MFGE8: variants seen among roughly 807,000 people sequenced by gnomAD.
The protein encoded by MFGE8 is lactadherin.
Under a neutral mutation model 42.6 loss-of-function variants are expected in MFGE8, and 34 were observed. The observed-to-expected ratio is 0.80, with a 90% CI of 0.61 to 1.06. MFGE8 has a LOEUF of 1.06. MFGE8 is among the 50% of genes least tolerant of loss of function. MFGE8 has a pLI of 0.00. For missense variants in MFGE8, 510 were observed against 516.9 expected (o/e 0.99, Z 0.13); for synonymous variants, 230 against 214.8 (o/e 1.07, Z -0.62).
chr15:88,904,113 C>G (rs1263651247), intron 5 of MFGE8: 1 of 152,274 alleles, frequency 6.6e-6, no homozygotes, highest in Non-Finnish European at 1.5e-5. Context: ...TTCTTCAGAG[C>G]TGTTACTGCT....
chr15:88,905,618 C>G lies in MFGE8; in HGVS notation c.685+139G>C. The G allele has an allele frequency of 5.1e-6, 6 of 1,175,940 alleles. No homozygotes were observed. Among genetic ancestry groups the G allele is most frequent in the Non-Finnish European group, 7.4e-6 (6 of 810,438 alleles). The allele number at this position is 1,175,940 out of a possible 1,614,324, so 72.8% of individuals were successfully genotyped here. A position where few individuals can be genotyped will look rare whatever the true frequency, so the allele number is the denominator to read the frequency against. ...TATGGCCAGGTGACCCCCTAGAGTGCGTTGCCCGAGTGAAGCCTGGTCCCC... is the reference window on the plus strand; with the variant it reads ...TATGGCCAGGTGACCCCCTAGAGTGGGTTGCCCGAGTGAAGCCTGGTCCCC... On this transcript the variant is annotated intron_variant, in intron 5 of 7. Transcript: ENST00000268150. The surrounding 1 kb of genome is among the most constrained non-coding windows in gnomAD (Gnocchi z 6.6).
intron 2 of MFGE8, among the ~76,000 whole-genome samples, chr15:88,909,027 C>A (rs78990864): frequency 4.6e-5 from 7 of 152,316 alleles, no homozygotes; most frequent in African/African-American, 1.7e-4. Flanking sequence ...AACCTAGGAC[C>A]CCCCGCTCCA....
Position 88,906,765 on chromosome 15 carries a change from C to A in MFGE8, c.401G>T (p.Arg134Leu). ...CACCACACCTGTTACCCACATCCTC[C>A]GCAGCAGGTTCACCTGGACACAGGG... The part of the protein sequence containing the change: ...DNPWIQVNLL[R>L]RMWVTGVVTQ... The change falls in exon 4 of 8, where the codon CGG becomes CTG. Residue 134 changes from arginine (R) to leucine (L), a missense_variant. Physicochemically the swap from Arg to Leu is moderately radical, Grantham distance 102. Transcript: ENST00000268150. The surrounding 1 kb of genome is among the most constrained non-coding windows in gnomAD (Gnocchi z 4.2). 7 of 1,613,002 alleles carry A rather than the reference C, an allele frequency of 4.3e-6. No individual in the cohort carries two copies. Among genetic ancestry groups the A allele is most frequent in the Non-Finnish European group, 5.9e-6 (7 of 1,179,854 alleles).
Position 88,902,264 on chromosome 15 carries a change from T to G in MFGE8, c.686-529A>C. The G allele has an allele frequency of 6.3e-6, 1 of 157,496 alleles. No homozygotes were observed. The highest frequency in any genetic ancestry group is 1.4e-5 in the Non-Finnish European group (1 of 71,366). 9.8% of individuals were successfully genotyped at this position (157,496 alleles called of 1,614,324 possible). Reference sequence around the variant, plus strand: ...CAAAAAAAAAAAGAAAAAAAAACACTAAATGAAGTAGAAATTAGTAAGCCC... The same window carrying G: ...CAAAAAAAAAAAGAAAAAAAAACACGAAATGAAGTAGAAATTAGTAAGCCC... On this transcript the variant is annotated intron_variant, in intron 5 of 7. Transcript: ENST00000268150. The surrounding 1 kb of genome is among the most constrained non-coding windows in gnomAD (Gnocchi z 4.3).
At chr15:88,909,715 C>T in intron 2 of MFGE8, 77 bp downstream of exon 2, 2 of 1,601,544 alleles carry the variant, frequency 1.2e-6, no homozygotes, top group African/African-American at 1.3e-5. Context: ...ATAAGGCCAG[C>T]ATATGGCCTA....
rs1898631074 is a variant in MFGE8 at position 88,905,575 on chromosome 15, A to T, written c.685+182T>A. 1 of 780,284 alleles carries T rather than the reference A, an allele frequency of 1.3e-6. No individual in the cohort carries two copies. Among genetic ancestry groups the T allele is most frequent in the Non-Finnish European group, 2.2e-6 (1 of 456,448 alleles). The allele number at this position is 780,284 out of a possible 1,614,324, so 48.3% of individuals were successfully genotyped here. A position where few individuals can be genotyped will look rare whatever the true frequency, so the allele number is the denominator to read the frequency against. ...TGGGTCATGGGTTGGCAGACAGCAA[A>T]CACCTGGGTGGGGCTGCTATGGCCA... On this transcript the variant is annotated intron_variant, in intron 5 of 7. Transcript: ENST00000268150. The surrounding 1 kb of genome is among the most constrained non-coding windows in gnomAD (Gnocchi z 6.6).
intron 3 of MFGE8, 124 bp downstream of exon 3, chr15:88,907,071 T>C: frequency 7.9e-7 from 1 of 1,259,026 alleles, no homozygotes; most frequent in Non-Finnish European, 1.1e-6. Context: ...ACTTCATCCA[T>C]GGGAACCTGT....
rs1206594460 is a variant in MFGE8 at position 88,902,140 on chromosome 15, C to T, written c.686-405G>A. ...TCTGGACTCACAGCACTGCCCCCATCGCCTCGGCCTCCCATCCGTCCCATG... is the reference window on the plus strand; with the variant it reads ...TCTGGACTCACAGCACTGCCCCCATTGCCTCGGCCTCCCATCCGTCCCATG... On this transcript the variant is annotated intron_variant, in intron 5 of 7. Transcript: ENST00000268150. This position sits in a 1 kb window ranked among gnomAD's most constrained non-coding sequence, Gnocchi z 4.3. The T allele has an allele frequency of 1.6e-5, 4 of 248,276 alleles. No homozygotes were observed. Among genetic ancestry groups the T allele is most frequent in the South Asian group, 5.7e-5 (1 of 17,428 alleles). 15.4% of individuals were successfully genotyped at this position (248,276 alleles called of 1,614,324 possible).
rs993288634 is a variant in MFGE8 at position 88,906,919 on chromosome 15, C to A, written c.388-141G>T. 1 of 1,113,034 alleles carries A rather than the reference C, an allele frequency of 9.0e-7. No homozygotes were observed. The highest frequency in any genetic ancestry group is 1.3e-6 in the Non-Finnish European group (1 of 757,444). 68.9% of individuals were successfully genotyped at this position (1,113,034 alleles called of 1,614,324 possible). ...AGAGGAGGGGTAGCTGAGCACACTG[C>A]CCGCACAAAGGGCTTTCTTCTTCTG... On this transcript the variant is annotated intron_variant, in intron 3 of 7. Transcript: ENST00000268150. This position sits in a 1 kb window ranked among gnomAD's most constrained non-coding sequence, Gnocchi z 4.2.
rs1898223789 is a variant in MFGE8, at chr15:88,898,710, G to C, written c.*685C>G. 1 of 153,144 alleles carries C rather than the reference G, an allele frequency of 6.5e-6. No homozygotes were observed. The highest frequency in any genetic ancestry group is 2.4e-5 in the African/African-American group (1 of 41,416). 9.5% of individuals were successfully genotyped at this position (153,144 alleles called of 1,614,324 possible). A position where few individuals can be genotyped will look rare whatever the true frequency, so the allele number is the denominator to read the frequency against. ...CCCGTGAAGAAGATAAATATATTTT[G>C]GAAGCTGCCTGTGTCCTCTGGGGTG... On this transcript the variant is annotated 3_prime_UTR_variant, in exon 8 of 8. Coordinates refer to ENST00000268150, the MANE Select transcript of MFGE8 (RefSeq NM_005928.4).
At chr15:88,904,919 G>A (rs550480038) in intron 5 of MFGE8, 1 of 154,446 alleles carries the variant, frequency 6.5e-6, no homozygotes, top group East Asian at 1.9e-4. Context: ...CAGTTCCACT[G>A]ATGGCCAGCA....
intron 1 of MFGE8, chr15:88,911,032 C>T: frequency 6.6e-6 from 1 of 152,376 alleles, no homozygotes. Context: ...TGCCGCTGAG[C>T]TCTCCCAGGG....
chr15:88,909,891 C>A lies in MFGE8; in HGVS notation c.106G>T (p.Gly36Cys). The A allele has an allele frequency of 6.2e-7, 1 of 1,614,224 alleles. No homozygotes were observed. Among genetic ancestry groups the A allele is most frequent in the South Asian group, 1.1e-5 (1 of 91,082 alleles). ...TCTTGGGAAATCTCCTCGCATAAAC[C>A]ACCGTTGTGGCAGGGGTTTTTGGAA... ...ICSKNPCHNG[G>C]LCEEISQEVR... The change falls in exon 2 of 8, where the codon GGT (glycine) becomes TGT (cysteine). Residue 36 changes from glycine to cysteine, a missense_variant. Transcript: ENST00000268150.
At position 88,898,692 on chromosome 15, in the gene MFGE8, A is replaced by G. The variant is rs1898223142; in HGVS notation, c.*703T>C. ...CGAACCACACCAAGAGTTCCCGTGA[A>G]GAAGATAAATATATTTTGGAAGCTG... is the stretch of plus-strand genomic sequence containing the variant. On this transcript the variant is annotated 3_prime_UTR_variant, in exon 8 of 8. Transcript: ENST00000268150. 6.5e-6 allele frequency: 1 copy of G among 152,842 alleles called. No individual in the cohort carries two copies. 9.5% of individuals were successfully genotyped at this position (152,842 alleles called of 1,614,324 possible). A position where few individuals can be genotyped will look rare whatever the true frequency, so the allele number is the denominator to read the frequency against.
chr15:88,901,115 A>G lies in MFGE8; in HGVS notation c.870+436T>C, dbSNP rs1898362594. Among the ~76,000 whole-genome samples, 2 of 66,904 alleles carry G rather than the reference A, an allele frequency of 3.0e-5. 1 individual carries two copies. Among genetic ancestry groups the G allele is most frequent in the Non-Finnish European group, 8.4e-5 (2 of 23,926 alleles). The allele number at this position is 66,904 out of a possible 152,430, so 43.9% of individuals were successfully genotyped here. A position where few individuals can be genotyped will look rare whatever the true frequency, so the allele number is the denominator to read the frequency against. On this transcript the variant is annotated intron_variant, in intron 6 of 7. Coordinates refer to ENST00000268150, the MANE Select transcript of MFGE8 (RefSeq NM_005928.4). ...CACATTCACAAATACACATTCACAC[A>G]TACACATTCACACACACACATTCAC...
Position 88,905,857 on chromosome 15 carries a change from C to G in MFGE8, c.585G>C (p.Leu195=). Residue 195 remains leucine, a synonymous_variant, in exon 5 of 8, where the codon CTG becomes CTC. Coordinates refer to ENST00000268150, the MANE Select transcript of MFGE8 (RefSeq NM_005928.4). This position sits in a 1 kb window ranked among gnomAD's most constrained non-coding sequence, Gnocchi z 6.6. ...ACTGAGCCTCCACAGGGGTCTCAAA[C>G]AGGTTGACATGCACCGCGTTTTTGT... is the stretch of plus-strand genomic sequence containing the variant. ...NWNKNAVHVN[L]FETPVEAQYV... The G allele has an allele frequency of 3.7e-6, 6 of 1,614,222 alleles. No individual in the cohort carries two copies. Among genetic ancestry groups the G allele is most frequent in the Non-Finnish European group, 5.1e-6 (6 of 1,180,042 alleles).
In MFGE8 at chr15:88,899,543, A is replaced by G. The variant is rs1596186333; in HGVS notation, c.1027-11T>C. 6.2e-7 allele frequency: 1 copy of G among 1,614,138 alleles called. No homozygotes were observed. Among genetic ancestry groups the G allele is most frequent in the Non-Finnish European group, 8.5e-7 (1 of 1,180,016 alleles). On this transcript the variant is annotated splice_polypyrimidine_tract_variant and intron_variant, in intron 7 of 7. Transcript: ENST00000268150. The surrounding 1 kb of genome is among the most constrained non-coding windows in gnomAD (Gnocchi z 6.8). ...GTTGCCAGGGAAGATCTAGAGGCAG[A>G]GCGGGTGTCAGGAGGACCCCGAGCC...
At chr15:88,911,726 CAAAAAGA>C (rs765727940) in intron 1 of MFGE8, among the ~76,000 whole-genome samples, 382 of 139,294 alleles carry the variant, frequency 2.7e-3, no homozygotes, top group Non-Finnish European at 4.2e-3. Context: ...GATTCCATCT[CAAAAAGA>C]AAAAAGAAAA....
chr15:88,909,050 C>CCCACATGTGGGCAACCCGCCTG (rs1898832493), intron 2 of MFGE8, among the ~76,000 whole-genome samples: 1 of 152,216 alleles, frequency 6.6e-6, no homozygotes, highest in African/African-American at 2.4e-5. Context: ...CATCCCTGGG[C>CCCACATGTGGGCAACCCGCCTG]CCACATGTGG....
Sources: gnomAD v4.1 joint callset for allele counts (sites outside exome capture counted in the v4.1 genomes callset) on GRCh38, gnomAD v4.1.1 for gene constraint, Gnocchi (gnomAD v3.1) non-coding constraint, MANE v1.5 for transcripts, NCBI Gene and HGNC (gene_info 2026-07-23, HGNC 2026-07-21) for gene names.